Variants in MED25 observed in about 807,000 individuals in gnomAD.
MED25 encodes the protein mediator of RNA polymerase II transcription subunit 25.
Under a neutral mutation model 89.4 loss-of-function variants are expected in MED25, and 62 were observed. The observed-to-expected ratio is 0.69, with a 90% CI of 0.57 to 0.86. The LOEUF is 0.86. Ranked by LOEUF, MED25 falls within the 40% of genes least tolerant of loss-of-function variation. MED25 has a pLI of 0.00. For synonymous variants in MED25, 449 were observed against 427.9 expected (o/e 1.05, Z -0.61); for missense variants, 905 against 1,005.2 (o/e 0.90, Z 1.35).
intron 3 of MED25, among the ~76,000 whole-genome samples, chr19:49,823,670 A>T (rs1307632948): frequency 6.6e-6 from 1 of 152,122 alleles, no homozygotes; most frequent in Non-Finnish European, 1.5e-5. Context: ...GTGTTTGTTG[A>T]GTATCTGCTT....
chr19:49,837,450 T>C (rs1166140575), downstream of MED25, among the ~76,000 whole-genome samples: 1 of 152,090 alleles, frequency 6.6e-6, no homozygotes, highest in Non-Finnish European at 1.5e-5. Flanking sequence ...TTTGAGGAGC[T>C]CGGATTCCAA....
rs534028157 is a variant in MED25, at chr19:49,826,616, C to T, written c.306-1833C>T. ...CCTAGGGTCAGACGCCTTGGTGTCT[C>T]TCTTGGAGGGCTGCACAGGGTGCGG... On this transcript the variant is annotated intron_variant, in intron 3 of 17. Transcript: ENST00000312865. 2.0e-5 allele frequency among the ~76,000 whole-genome samples: 3 copies of T among 152,312 alleles called. No individual in the cohort carries two copies. In the East Asian group the frequency reaches 5.8e-4, roughly 29 times the overall value.
At position 49,830,488 on chromosome 19, in the gene MED25, C is replaced by T; in HGVS notation, c.820-23C>T. On this transcript the variant is annotated intron_variant, in intron 7 of 17. Coordinates refer to ENST00000312865, the MANE Select transcript of MED25 (RefSeq NM_030973.4). The surrounding 1 kb of genome is among the most constrained non-coding windows in gnomAD (Gnocchi z 4.6). Reference sequence around the variant, plus strand: ...GGGCCATGGTCCTCACCAGTCCCTTCCCTTCTTCCCTTCTACCCACAGGTT... The same window carrying T: ...GGGCCATGGTCCTCACCAGTCCCTTTCCTTCTTCCCTTCTACCCACAGGTT... 1 of 1,611,898 alleles carries T rather than the reference C, an allele frequency of 6.2e-7. No individual in the cohort carries two copies. The highest frequency in any genetic ancestry group is 8.5e-7 in the Non-Finnish European group (1 of 1,178,146).
downstream of MED25, among the ~76,000 whole-genome samples, chr19:49,837,727 A>G (rs907154132): frequency 6.6e-6 from 1 of 152,170 alleles, no homozygotes; most frequent in Non-Finnish European, 1.5e-5. Context: ...CAGGTGGTCC[A>G]AGGGACATCC....
Position 49,830,985 on chromosome 19 carries a change from C to G in MED25, c.1101+98C>G, listed in dbSNP as rs1452760444. On this transcript the variant is annotated intron_variant, in intron 9 of 17. Transcript: ENST00000312865. The surrounding 1 kb of genome is among the most constrained non-coding windows in gnomAD (Gnocchi z 4.6). ...TCATTTGCCTTCCAGGGGGATGTGG[C>G]TCTCGTGGTTCTGGGGCTTTGGGGG... 1.5e-6 allele frequency: 2 copies of G among 1,351,376 alleles called. No homozygotes were observed. The highest frequency in any genetic ancestry group is 4.6e-5 in the East Asian group (2 of 43,774). 83.7% of individuals were successfully genotyped at this position (1,351,376 alleles called of 1,614,324 possible).
rs1031548397 is a variant in MED25 at position 49,832,513 on chromosome 19, C to T, written c.1482+98C>T. 5.6e-5 allele frequency: 43 copies of T among 764,112 alleles called. No homozygotes were observed. The Middle Eastern group carries it at 1.2e-3, about 22-fold the overall frequency. The allele number at this position is 764,112 out of a possible 1,614,324, so 47.3% of individuals were successfully genotyped here. ...CCAGAGTGCCTGGGCCCACGGAAGC[C>T]GTTTTTGATGGTTGGGTGCACTTCA... On this transcript the variant is annotated intron_variant, in intron 13 of 17. Transcript: ENST00000312865.
In MED25 at chr19:49,830,577, A is replaced by C; in HGVS notation, c.886A>C (p.Lys296Gln). ...TGCAGTGGAGGCTGCCAAGAACCAG[A>C]AGGCTGGGCTGGGCCCTCGCTGTGA... Reference protein sequence around the residue: ...QNAVEAAKNQKAGLGPRFSPI... With the variant: ...QNAVEAAKNQQAGLGPRFSPI... Residue 296 changes from lysine (K) to glutamine (Q), a missense_variant, in exon 8 of 18, where the codon AAG becomes CAG. Physicochemically the swap from Lys to Gln is moderately conservative, Grantham distance 53. Around this residue, in one of 3 missense-constraint regions of MED25, gnomAD observed 501 missense variants for 526.9 expected, o/e 0.95. Transcript: ENST00000312865. The surrounding 1 kb of genome is among the most constrained non-coding windows in gnomAD (Gnocchi z 4.6). The C allele has an allele frequency of 6.2e-7, 1 of 1,614,084 alleles. No individual in the cohort carries two copies. The highest frequency in any genetic ancestry group is 8.5e-7 in the Non-Finnish European group (1 of 1,179,988).
rs563069248 is a variant in MED25 at position 49,831,190 on chromosome 19, C to T, written c.1102-143C>T. On this transcript the variant is annotated intron_variant, in intron 9 of 17. Coordinates refer to ENST00000312865, the MANE Select transcript of MED25 (RefSeq NM_030973.4). This position sits in a 1 kb window ranked among gnomAD's most constrained non-coding sequence, Gnocchi z 5.0. The stretch of plus-strand genomic sequence containing the variant: ...CCTGCAAGGTCCAAGCATTTGGGGT[C>T]CTGCGGCTGGCCAAGTGCTGTTCTG... 1 of 905,318 alleles carries T rather than the reference C, an allele frequency of 1.1e-6. No individual in the cohort carries two copies. Among genetic ancestry groups the T allele is most frequent in the Admixed American group, 2.4e-5 (1 of 41,682 alleles). The allele number at this position is 905,318 out of a possible 1,614,324, so 56.1% of individuals were successfully genotyped here.
chr19:49,835,050 C>G lies in MED25; in HGVS notation c.1547C>G (p.Ser516Trp). ...CEVRVLMLLY[S>W]SKKKIFMGLI... Reference sequence around the variant, plus strand: ...GTGCGCGTGCTCATGCTCCTGTACTCGTCCAAGAAGAAGATCTTCATGGGC... The same window carrying G: ...GTGCGCGTGCTCATGCTCCTGTACTGGTCCAAGAAGAAGATCTTCATGGGC... Residue 516 changes from serine to tryptophan, a missense_variant, in exon 14 of 18, where the codon TCG becomes TGG. Physicochemically the swap from Ser to Trp is radical, Grantham distance 177. Around this residue, in one of 3 missense-constraint regions of MED25, gnomAD observed 133 missense variants for 220.2 expected, o/e 0.60. Coordinates refer to ENST00000312865, the MANE Select transcript of MED25 (RefSeq NM_030973.4). This position sits in a 1 kb window ranked among gnomAD's most constrained non-coding sequence, Gnocchi z 6.2. 1 of 1,614,090 alleles carries G rather than the reference C, an allele frequency of 6.2e-7. No individual in the cohort carries two copies. Among genetic ancestry groups the G allele is most frequent in the East Asian group, 2.2e-5 (1 of 44,862 alleles).
chr19:49,831,301 T>A lies in MED25; in HGVS notation c.1102-32T>A, dbSNP rs1250188267. ...CCCCGGAGGCTCCCGGCCTTCCCCA[T>A]TCTCATGGCCCTCCTTCCTCCCCTC... On this transcript the variant is annotated intron_variant, in intron 9 of 17. Transcript: ENST00000312865. This position sits in a 1 kb window ranked among gnomAD's most constrained non-coding sequence, Gnocchi z 5.0. 2 of 1,604,324 alleles carry A rather than the reference T, an allele frequency of 1.2e-6. No homozygotes were observed. The highest frequency in any genetic ancestry group is 8.5e-7 in the Non-Finnish European group (1 of 1,176,722).
rs1432411043 is a variant in MED25 at position 49,829,234 on chromosome 19, T to G, written c.525+144T>G. The G allele has an allele frequency of 3.5e-5, 25 of 715,128 alleles. No homozygotes were observed. Among genetic ancestry groups the G allele is most frequent in the Non-Finnish European group, 5.9e-5 (24 of 409,264 alleles). 44.3% of individuals were successfully genotyped at this position (715,128 alleles called of 1,614,324 possible). On this transcript the variant is annotated intron_variant, in intron 5 of 17. Coordinates refer to ENST00000312865, the MANE Select transcript of MED25 (RefSeq NM_030973.4). This position sits in a 1 kb window ranked among gnomAD's most constrained non-coding sequence, Gnocchi z 4.6. ...CTCTTGGGTCTAAGCGGGGAGGCAC[T>G]GGGGGCCTGGACTCAGACACAGAAT...
At position 49,836,208 on chromosome 19, in the gene MED25, C is replaced by T; in HGVS notation, c.1966-18C>T. 6.2e-7 allele frequency: 1 copy of T among 1,611,256 alleles called. No homozygotes were observed. The highest frequency in any genetic ancestry group is 1.7e-5 in the Admixed American group (1 of 60,000). ...GTCTCTACCAGGAGCCTCTGAGCCA[C>T]TCTCTGTGTTCTCCCAGCCGCAGAC... On this transcript the variant is annotated intron_variant, in intron 16 of 17. Coordinates refer to ENST00000312865, the MANE Select transcript of MED25 (RefSeq NM_030973.4). This position sits in a 1 kb window ranked among gnomAD's most constrained non-coding sequence, Gnocchi z 5.1.
At chr19:49,826,953 G>A (rs1215208138) in intron 3 of MED25, among the ~76,000 whole-genome samples, 1 of 152,190 alleles carries the variant, frequency 6.6e-6, no homozygotes, top group East Asian at 1.9e-4. Context: ...TTCCAGTCTT[G>A]ATGGACACGG....
At position 49,835,659 on chromosome 19, in the gene MED25, G is replaced by A. The variant is rs568837256; in HGVS notation, c.1746+54G>A. 6.0e-4 allele frequency: 940 copies of A among 1,569,036 alleles called. No individual in the cohort carries two copies. Among genetic ancestry groups the A allele is most frequent in the Non-Finnish European group, 7.8e-4 (899 of 1,157,600 alleles). ...TGGGTTGGGGAGGCCCCAAGGCTGCGCTCTGTGCCTGCAGAAGGGGCGTGA... is the reference window on the plus strand; with the variant it reads ...TGGGTTGGGGAGGCCCCAAGGCTGCACTCTGTGCCTGCAGAAGGGGCGTGA... On this transcript the variant is annotated intron_variant, in intron 15 of 17. Transcript: ENST00000312865. This position sits in a 1 kb window ranked among gnomAD's most constrained non-coding sequence, Gnocchi z 6.2.
At chr19:49,827,873 A>G (rs994135135) in intron 3 of MED25, among the ~76,000 whole-genome samples, 1 of 152,098 alleles carries the variant, frequency 6.6e-6, no homozygotes, top group Non-Finnish European at 1.5e-5. Flanking sequence ...TGGAGTCAGC[A>G]CAGGATCCTA....
rs199672207 is a variant in MED25 at position 49,835,358 on chromosome 19, C to T, written c.1675-176C>T. Among the ~76,000 whole-genome samples, 1 of 152,194 alleles carries T rather than the reference C, an allele frequency of 6.6e-6. No homozygotes were observed. Among genetic ancestry groups the T allele is most frequent in the Non-Finnish European group, 1.5e-5 (1 of 68,040 alleles). ...CTTTTTCAGCATCCACATCAAAGCC[C>T]TGACACAGCTTCCTCCTGGAGACCT... On this transcript the variant is annotated intron_variant, in intron 14 of 17. Transcript: ENST00000312865. This position sits in a 1 kb window ranked among gnomAD's most constrained non-coding sequence, Gnocchi z 6.2.
intron 3 of MED25, among the ~76,000 whole-genome samples, chr19:49,823,966 G>T (rs889002480): frequency 6.6e-5 from 10 of 152,070 alleles, no homozygotes; most frequent in Non-Finnish European, 1.0e-4. Flanking sequence ...ATATCCTCTG[G>T]GAAGGGGGCG....
Position 49,832,293 on chromosome 19 carries a change from C to T in MED25, c.1375-15C>T, listed in dbSNP as rs769654475. Reference sequence around the variant, plus strand: ...CCCACACCAGCATGCCAGCCGACTTCTGTGTCTCCCGCAGACCACCCTGGG... The same window carrying T: ...CCCACACCAGCATGCCAGCCGACTTTTGTGTCTCCCGCAGACCACCCTGGG... On this transcript the variant is annotated splice_polypyrimidine_tract_variant and intron_variant, in intron 12 of 17. Coordinates refer to ENST00000312865, the MANE Select transcript of MED25 (RefSeq NM_030973.4). 12 of 1,582,816 alleles carry T rather than the reference C, an allele frequency of 7.6e-6. No individual in the cohort carries two copies. In the African/African-American group the frequency reaches 8.1e-5, roughly 11 times the overall value.
At chr19:49,828,924 G>A (rs7256882) in intron 4 of MED25, 46 bp from the exon 5 acceptor site, 1 of 1,612,316 alleles carries the variant, frequency 6.2e-7, no homozygotes, top group South Asian at 1.1e-5. Context: ...TTCCTTCTCA[G>A]GGCCTCTGTT....
Sources: allele counts gnomAD v4.1 joint callset (sites outside exome capture counted in the v4.1 genomes callset), GRCh38; gene constraint gnomAD v4.1.1; regional missense constraint gnomAD v4.1.1; non-coding constraint Gnocchi (gnomAD v3.1); transcripts MANE v1.5; gene names NCBI Gene and HGNC (gene_info 2026-07-23, HGNC 2026-07-21).